The following ORC4 variants were observed in gnomAD, a reference collection of about 807,000 sequenced individuals.
ORC4 encodes the protein origin recognition complex, subunit 4 homolog.
A neutral mutation model predicts 63.9 loss-of-function variants in ORC4; 55 were observed. The ratio of observed to expected loss-of-function variants is 0.86; its 90% confidence interval spans 0.69 to 1.08. The LOEUF is 1.08. Among genes scored for constraint, ORC4 ranks in the 50% least tolerant of loss-of-function variants. The pLI is 0.00. For missense variants in ORC4, 511 were observed against 504.4 expected, an observed-to-expected ratio of 1.01 and a Z score of -0.13; for synonymous variants, 150 against 168.5, an observed-to-expected ratio of 0.89 and a Z score of 0.85.
chr2:147,965,340 A>C (rs1689838192), intron 4 of ORC4, among the ~76,000 whole-genome samples: 1 of 152,134 alleles, frequency 6.6e-6, no homozygotes, highest in Admixed American at 6.5e-5. Context: ...TAAAAAATAC[A>C]GAACAGATAA....
At chr2:147,991,152 A>C (rs1035593765) in intron 1 of ORC4, among the ~76,000 whole-genome samples, 1 of 150,780 alleles carries the variant, frequency 6.6e-6, no homozygotes, top group Non-Finnish European at 1.5e-5. Context: ...GGTTCAAGCG[A>C]TTCTCCTGCC....
At chr2:148,015,464 G>A (rs1193594183) in intron 1 of ORC4, among the ~76,000 whole-genome samples, 1 of 151,428 alleles carries the variant, frequency 6.6e-6, no homozygotes, top group Admixed American at 6.6e-5. Context: ...ACAGGCACCC[G>A]CCACCACGCC....
chr2:148,002,385 CA>C (rs1323696172), intron 1 of ORC4, among the ~76,000 whole-genome samples: 1 of 151,998 alleles, frequency 6.6e-6, no homozygotes, highest in Non-Finnish European at 1.5e-5. Flanking sequence ...TCAACAAAGG[CA>C]AAAGAATGAA....
rs1687851960 is a variant in ORC4 at position 147,932,990 on chromosome 2, A to G, written c.*2520T>C. ...ATGATACAGTAAGTTTGGACCAAAC[A>G]GGTATTCATTCCCCAGAGCCTTTCA... is the stretch of plus-strand genomic sequence containing the variant. On this transcript the variant is annotated 3_prime_UTR_variant, in exon 14 of 14. Transcript: ENST00000392857. 1 of 152,120 alleles carries G rather than the reference A, an allele frequency of 6.6e-6. No homozygotes were observed. Among genetic ancestry groups the G allele is most frequent in the Admixed American group, 6.6e-5 (1 of 15,244 alleles). The allele number at this position is 152,120 out of a possible 1,614,324, so 9.4% of individuals were successfully genotyped here. A position where few individuals can be genotyped will look rare whatever the true frequency, so the allele number is the denominator to read the frequency against.
At position 147,935,518 on chromosome 2, in the gene ORC4, A is replaced by G. The variant is rs1298800051; in HGVS notation, c.1303T>C (p.Trp435Arg). ...VRQWATSSLS[W>R]L ...GAAGTCACTGGTTATATTCATAACC[A>G]GCTTAGTGAGGATGTTGCCCACTGC... is the stretch of plus-strand genomic sequence containing the variant. The change falls in exon 14 of 14, where the codon TGG becomes CGG. Residue 435 changes from tryptophan (W) to arginine (R), a missense_variant. Trp to Arg is a moderately radical substitution (Grantham distance 101, BLOSUM62 -3). Coordinates refer to ENST00000392857, the MANE Select transcript of ORC4 (RefSeq NM_181741.4). 1 of 1,612,742 alleles carries G rather than the reference A, an allele frequency of 6.2e-7. No individual in the cohort carries two copies. Among genetic ancestry groups the G allele is most frequent in the Non-Finnish European group, 8.5e-7 (1 of 1,178,932 alleles).
intron 1 of ORC4, among the ~76,000 whole-genome samples, chr2:148,000,269 G>C (rs1692218618): frequency 2.6e-5 from 4 of 151,996 alleles, no homozygotes; most frequent in African/African-American, 9.7e-5. Context: ...TAAGTAACAT[G>C]GCTGTGACAT....
intron 4 of ORC4, among the ~76,000 whole-genome samples, chr2:147,964,932 A>G (rs1689813175): frequency 6.6e-6 from 1 of 152,208 alleles, no homozygotes; most frequent in South Asian, 2.1e-4. Flanking sequence ...GCTCAGAATG[A>G]AAGAACTGTC....
chr2:147,999,836 G>A (rs1692191804), intron 1 of ORC4, among the ~76,000 whole-genome samples: 1 of 151,898 alleles, frequency 6.6e-6, no homozygotes, highest in African/African-American at 2.4e-5. Flanking sequence ...CGATTAAAAA[G>A]ATGAAAACAT....
intron 1 of ORC4, among the ~76,000 whole-genome samples, chr2:147,980,549 T>C (rs1323655013): frequency 1.2e-4 from 18 of 151,998 alleles, no homozygotes; most frequent in Admixed American, 1.2e-3. Flanking sequence ...ATTTAAAAAA[T>C]GGTCAAAAAG....
chr2:147,979,540 A>G (rs1292448474), intron 1 of ORC4, among the ~76,000 whole-genome samples: 2 of 152,210 alleles, frequency 1.3e-5, no homozygotes, highest in Non-Finnish European at 2.9e-5. Context: ...AGTAATCCAT[A>G]TCAAAATTCT....
At chr2:147,952,720 G>A (rs753972072) in intron 7 of ORC4, among the ~76,000 whole-genome samples, 196 bp from the exon 8 acceptor site, 15 of 152,138 alleles carry the variant, frequency 9.9e-5, no homozygotes, top group Non-Finnish European at 1.5e-4. Flanking sequence ...ACACAGCCCC[G>A]ACTGCTCTCA....
chr2:147,965,812 T>G (rs1463910378), intron 4 of ORC4, among the ~76,000 whole-genome samples: 1 of 152,192 alleles, frequency 6.6e-6, no homozygotes, highest in African/African-American at 2.4e-5. Context: ...ACTGACCTCA[T>G]GTTAGGACAC....
At chr2:147,983,292 T>C (rs1394369867) in intron 1 of ORC4, among the ~76,000 whole-genome samples, 1 of 152,232 alleles carries the variant, frequency 6.6e-6, no homozygotes, top group Non-Finnish European at 1.5e-5. Context: ...TTATTCGTAA[T>C]AGTCAAAACA....
intron 1 of ORC4, among the ~76,000 whole-genome samples, chr2:147,994,115 C>G (rs545304894): frequency 2.6e-5 from 4 of 152,058 alleles, no homozygotes; most frequent in Admixed American, 6.6e-5. Flanking sequence ...TTAGCAACAA[C>G]AACAAAAAAC....
intron 1 of ORC4, among the ~76,000 whole-genome samples, chr2:147,982,376 T>C (rs1690938476): frequency 6.6e-6 from 1 of 152,202 alleles, no homozygotes; most frequent in Non-Finnish European, 1.5e-5. Flanking sequence ...ATAAGACTAA[T>C]TAAAATGTAA....
chr2:147,946,498 G>A (rs566377435), intron 9 of ORC4, among the ~76,000 whole-genome samples: 29 of 152,120 alleles, frequency 1.9e-4, no homozygotes, highest in African/African-American at 6.3e-4. Context: ...CCCAGTAAAA[G>A]GGGACAATGT....
At chr2:148,019,461 A>G (rs1223488670) in intron 1 of ORC4, among the ~76,000 whole-genome samples, 1 of 152,162 alleles carries the variant, frequency 6.6e-6, no homozygotes, top group Non-Finnish European at 1.5e-5. Flanking sequence ...GCGTGGTGGC[A>G]CATGCCTGTA....
At chr2:147,976,724 C>T (rs1690578767) in intron 1 of ORC4, among the ~76,000 whole-genome samples, 1 of 152,112 alleles carries the variant, frequency 6.6e-6, no homozygotes, top group Admixed American at 6.5e-5. Flanking sequence ...TCCTTAAACA[C>T]TCATAAGTGC....
At chr2:148,009,624 G>T (rs1424292729) in intron 1 of ORC4, among the ~76,000 whole-genome samples, 1 of 152,094 alleles carries the variant, frequency 6.6e-6, no homozygotes, top group Non-Finnish European at 1.5e-5. Context: ...ATACAGTAAT[G>T]ACTTGGGACT....
Sources: gnomAD v4.1 joint callset for allele counts (sites outside exome capture counted in the v4.1 genomes callset) on GRCh38, gnomAD v4.1.1 for gene constraint, MANE v1.5 for transcripts, NCBI Gene and HGNC (gene_info 2026-07-23, HGNC 2026-07-21) for gene names.